The following SCEL variants were observed in gnomAD, a reference collection of about 807,000 sequenced individuals.
The protein encoded by SCEL is sciellin.
A neutral mutation model predicts 117.6 loss-of-function variants in SCEL; 113 were observed. The ratio of observed to expected loss-of-function variants is 0.96; its 90% CI spans 0.83 to 1.12. The LOEUF (loss-of-function observed/expected upper bound fraction) is 1.12, where lower values mean the gene tolerates loss of function less well. Among genes scored for constraint, SCEL ranks in the 50% most tolerant of loss-of-function variants. The pLI is 0.00. For synonymous variants in SCEL, 270 were observed against 256.2 expected, an observed-to-expected ratio of 1.05 and a Z score of -0.51; for missense variants, 785 against 810.8, an observed-to-expected ratio of 0.97 and a Z score of 0.39.
chr13:77,590,319 A>T (rs2086797146), intron 10 of SCEL, among the ~76,000 whole-genome samples: 1 of 152,130 alleles, frequency 6.6e-6, no homozygotes, highest in Non-Finnish European at 1.5e-5. Flanking sequence ...TAATTTTTTA[A>T]ATTGAGTCAA....
chr13:77,609,774 A>G (rs1019646198), intron 21 of SCEL, among the ~76,000 whole-genome samples: 2 of 152,146 alleles, frequency 1.3e-5, no homozygotes, highest in Non-Finnish European at 2.9e-5. Flanking sequence ...GTGAGTATTA[A>G]ATTAGACAAA....
chr13:77,540,238 C>G (rs2083632226), intron 1 of SCEL, among the ~76,000 whole-genome samples: 1 of 152,186 alleles, frequency 6.6e-6, no homozygotes, highest in East Asian at 1.9e-4. Context: ...AAATATTCCT[C>G]TAGAACTGAT....
At chr13:77,574,848 G>A (rs760806410) in intron 9 of SCEL, among the ~76,000 whole-genome samples, 32 of 152,070 alleles carry the variant, frequency 2.1e-4, no homozygotes, top group Non-Finnish European at 2.9e-4. Flanking sequence ...CTAATACACT[G>A]GTATTCATCT....
chr13:77,591,507 G>A (rs775599268), intron 11 of SCEL, 47 bp downstream of exon 11: 5 of 1,086,510 alleles, frequency 4.6e-6, no homozygotes, highest in Non-Finnish European at 6.9e-6. Context: ...TAATGATAAA[G>A]TATGCTTTCT....
intron 31 of SCEL, among the ~76,000 whole-genome samples, chr13:77,642,156 C>G (rs1249297507): frequency 6.6e-6 from 1 of 152,084 alleles, no homozygotes; most frequent in Non-Finnish European, 1.5e-5. Flanking sequence ...TGTTCACACT[C>G]TTAGAAAAAT....
chr13:77,641,540 C>T (rs2090556635), intron 31 of SCEL, among the ~76,000 whole-genome samples: 2 of 152,086 alleles, frequency 1.3e-5, no homozygotes, highest in South Asian at 4.1e-4. Context: ...TCAACCCTGG[C>T]TGCATATTAT....
chr13:77,551,410 A>T (rs2084313857), intron 1 of SCEL, among the ~76,000 whole-genome samples: 1 of 152,206 alleles, frequency 6.6e-6, no homozygotes. Flanking sequence ...TACTTTTTTC[A>T]TAAGGACTCC....
At chr13:77,555,729 T>C (rs2084617917) in intron 1 of SCEL, 128 bp from the exon 2 acceptor site, 1 of 620,616 alleles carries the variant, frequency 1.6e-6, no homozygotes, top group South Asian at 2.2e-5. Flanking sequence ...CTTTATGTCA[T>C]GCATTTGTTA....
At chr13:77,615,017 A>G (rs1419586717) in intron 24 of SCEL, among the ~76,000 whole-genome samples, 1 of 152,176 alleles carries the variant, frequency 6.6e-6, no homozygotes, top group Non-Finnish European at 1.5e-5. Context: ...TTACACCAAG[A>G]CAATAATAGG....
At chr13:77,570,445 C>A (rs1408423911) in intron 8 of SCEL, among the ~76,000 whole-genome samples, 1 of 152,180 alleles carries the variant, frequency 6.6e-6, no homozygotes, top group East Asian at 1.9e-4. Flanking sequence ...TAATTCGGGA[C>A]CACTGAAGCC....
intron 13 of SCEL, 33 bp downstream of exon 13, chr13:77,597,622 G>A (rs1401640923): frequency 7.9e-7 from 1 of 1,258,038 alleles, no homozygotes; most frequent in Admixed American, 2.3e-5. Context: ...TTTTATTACT[G>A]AGTTGCATAT....
intron 20 of SCEL, 85 bp from the exon 21 acceptor site, chr13:77,608,971 CTT>C: frequency 9.3e-7 from 1 of 1,070,742 alleles, no homozygotes; most frequent in Non-Finnish European, 1.3e-6. Flanking sequence ...TAAAATTTAT[CTT>C]GAGTACATGT....
chr13:77,625,744 C>T (rs2089697220), intron 27 of SCEL, among the ~76,000 whole-genome samples: 1 of 152,100 alleles, frequency 6.6e-6, no homozygotes, highest in Non-Finnish European at 1.5e-5. Flanking sequence ...AACATGAGAA[C>T]ATTTTATCAT....
intron 24 of SCEL, among the ~76,000 whole-genome samples, chr13:77,616,811 G>C (rs1365954918): frequency 6.6e-6 from 1 of 150,514 alleles, no homozygotes; most frequent in Non-Finnish European, 1.5e-5. Flanking sequence ...TTGTTGTGGT[G>C]AGAGGTACAT....
intron 3 of SCEL, among the ~76,000 whole-genome samples, chr13:77,559,143 C>T (rs2084832068): frequency 6.6e-6 from 1 of 152,200 alleles, no homozygotes; most frequent in Admixed American, 6.5e-5. Flanking sequence ...TACTTGCTAA[C>T]CTTGTGGTCT....
intron 29 of SCEL, 50 bp downstream of exon 29, chr13:77,634,500 G>A: frequency 7.4e-7 from 1 of 1,348,292 alleles, no homozygotes; most frequent in Non-Finnish European, 1.1e-6. Flanking sequence ...AATTTTGAAA[G>A]GATCTATGTT....
chr13:77,593,273 T>C (rs189376585), intron 11 of SCEL, among the ~76,000 whole-genome samples: 2 of 106,518 alleles, frequency 1.9e-5, no homozygotes, highest in African/African-American at 1.1e-4. Context: ...TGTGTGTGTG[T>C]GTGTGTGTGT....
intron 8 of SCEL, 73 bp downstream of exon 8, chr13:77,569,524 T>A: frequency 8.8e-7 from 1 of 1,136,248 alleles, no homozygotes; most frequent in Non-Finnish European, 1.3e-6. Context: ...TTCCTCCTCT[T>A]TTTTGTGGGG....
chr13:77,641,636 G>T (rs2154407450), intron 31 of SCEL, among the ~76,000 whole-genome samples: 1 of 152,212 alleles, frequency 6.6e-6, no homozygotes, highest in East Asian at 1.9e-4. Flanking sequence ...ATTGGGCATT[G>T]GTATTTTTAA....
Sources: allele counts gnomAD v4.1 joint callset (sites outside exome capture counted in the v4.1 genomes callset), GRCh38; gene constraint gnomAD v4.1.1; transcripts MANE v1.5; gene names NCBI Gene and HGNC (gene_info 2026-07-23, HGNC 2026-07-21).